ZC3H12B: variants seen among roughly 807,000 people sequenced by gnomAD.
ZC3H12B encodes the protein probable ribonuclease ZC3H12B.
A neutral mutation model predicts 43.9 loss-of-function variants in ZC3H12B; 7 were observed. The observed-to-expected ratio is 0.16, with a 90% CI of 0.09 to 0.30. The LOEUF is 0.30. ZC3H12B is among the 10% of genes least tolerant of loss of function. The pLI, the probability that ZC3H12B is intolerant of heterozygous loss-of-function variation, is 1.00. For missense variants in ZC3H12B, 475 were observed against 670.2 expected, an observed-to-expected ratio of 0.71 and a Z score of 3.22; for synonymous variants, 222 against 241.7, an observed-to-expected ratio of 0.92 and a Z score of 0.76.
the ZC3H12B span, among the ~76,000 whole-genome samples, chrX:65,085,647 T>C: frequency 9.1e-6 from 1 of 109,891 alleles, no homozygotes; most frequent in East Asian, 2.9e-4. Context: ...TTTGAAGCAC[T>C]GGTAATCCCA....
At chrX:65,255,170 C>G in the ZC3H12B span, among the ~76,000 whole-genome samples, 2 of 111,665 alleles carry the variant, frequency 1.8e-5, no homozygotes, top group South Asian at 7.5e-4. Flanking sequence ...ATTTTCCCAA[C>G]TTCACTAAAG....
At chrX:65,164,754 T>G in the ZC3H12B span, among the ~76,000 whole-genome samples, 2 of 111,756 alleles carry the variant, frequency 1.8e-5, no homozygotes, top group African/African-American at 3.2e-5. Flanking sequence ...GTTTTCAGAT[T>G]GTTGGTCTGG....
chrX:65,375,787 A>G (rs2066338625), intron 2 of ZC3H12B, among the ~76,000 whole-genome samples: 1 of 111,778 alleles, frequency 8.9e-6, no homozygotes, highest in Non-Finnish European at 1.9e-5. Flanking sequence ...AATAACCCAC[A>G]GCAATGCCCA....
chrX:65,304,417 C>A, the ZC3H12B span, among the ~76,000 whole-genome samples: 1 of 111,158 alleles, frequency 9.0e-6, no homozygotes, highest in African/African-American at 3.3e-5. Context: ...GAGATCGAGA[C>A]CATTCTGGCT....
chrX:65,329,706 C>T, the ZC3H12B span, among the ~76,000 whole-genome samples: 4 of 111,028 alleles, frequency 3.6e-5, no homozygotes, highest in Non-Finnish European at 5.6e-5. Flanking sequence ...GTCTTTAATC[C>T]ATCTTGAATT....
At chrX:65,260,308 A>T in the ZC3H12B span, among the ~76,000 whole-genome samples, 12 of 111,428 alleles carry the variant, frequency 1.1e-4, no homozygotes, top group East Asian at 2.2e-3. Context: ...CCACCAAAAA[A>T]AAAATAAAAT....
At chrX:65,381,077 T>G (rs766320179) in intron 2 of ZC3H12B, among the ~76,000 whole-genome samples, 99 of 111,134 alleles carry the variant, frequency 8.9e-4, no homozygotes, top group African/African-American at 3.1e-3. Context: ...ACCCAGGAAT[T>G]GAACTCAGCT....
intron 3 of ZC3H12B, among the ~76,000 whole-genome samples, chrX:65,457,094 G>T (rs867551228): frequency 1.1e-5 from 1 of 87,551 alleles, no homozygotes; most frequent in South Asian, 6.7e-4. Context: ...CTGCCCCGCC[G>T]CCCTGTCTGG....
At chrX:65,117,328 T>G in the ZC3H12B span, among the ~76,000 whole-genome samples, 1 of 112,624 alleles carries the variant, frequency 8.9e-6, no homozygotes, top group Non-Finnish European at 1.9e-5. Flanking sequence ...GAACATTTTT[T>G]CATGTCTCTG....
upstream of ZC3H12B, among the ~76,000 whole-genome samples, chrX:65,364,736 A>G: frequency 1.8e-5 from 2 of 111,133 alleles, no homozygotes; most frequent in Admixed American, 1.9e-4. Context: ...TTTCTTTTCC[A>G]TCATGGAAAT....
intron 2 of ZC3H12B, among the ~76,000 whole-genome samples, chrX:65,375,356 C>A (rs1274161821): frequency 2.7e-5 from 3 of 111,714 alleles, no homozygotes; most frequent in Non-Finnish European, 1.9e-5. Context: ...ATTTTAAAGG[C>A]AGTGTAGGAC....
At chrX:65,379,098 AG>A (rs991127988) in intron 2 of ZC3H12B, among the ~76,000 whole-genome samples, 4 of 111,997 alleles carry the variant, frequency 3.6e-5, no homozygotes, top group African/African-American at 1.3e-4. Flanking sequence ...AACTGGGTGG[AG>A]CCTGCCACAG....
the ZC3H12B span, among the ~76,000 whole-genome samples, chrX:65,042,530 G>C: frequency 8.9e-6 from 1 of 112,273 alleles, no homozygotes; most frequent in Non-Finnish European, 1.9e-5. Context: ...TTAACTAAAG[G>C]CTATGGAATA....
chrX:65,369,483 G>A (rs2066216863), intron 2 of ZC3H12B, among the ~76,000 whole-genome samples: 1 of 103,350 alleles, frequency 9.7e-6, no homozygotes, highest in African/African-American at 4.4e-5. Flanking sequence ...TGCTTAGAAA[G>A]ATCTAAATAT....
At chrX:65,374,501 A>T (rs2066317654) in intron 2 of ZC3H12B, among the ~76,000 whole-genome samples, 1 of 108,475 alleles carries the variant, frequency 9.2e-6, no homozygotes, top group South Asian at 3.9e-4. Context: ...ATGGCCAAAT[A>T]GAAGGCTCCA....
rs200948598 is a variant in ZC3H12B at position 65,461,863 on chromosome X, TA to T, written n.408-26774del. Among the ~76,000 whole-genome samples, 612 of 107,639 alleles carry T rather than the reference TA, an allele frequency of 5.7e-3. 3 individuals carry two copies. Among genetic ancestry groups the T allele is most frequent in the African/African-American group, 0.018 (543 of 29,664 alleles). 93.5% of individuals were successfully genotyped at this position (107,639 alleles called of 115,157 possible). A position where few individuals can be genotyped will look rare whatever the true frequency, so the allele number is the denominator to read the frequency against. Reference sequence around the variant, plus strand: ...AAGCATAATAAAAAAAATAAAATAATAAAAAAAAATTTATACTCAAATAATT... The same window carrying T: ...AAGCATAATAAAAAAAATAAAATAATAAAAAAAATTTATACTCAAATAATT... On this transcript the variant is annotated intron_variant and non_coding_transcript_variant, in intron 3 of 5. Transcript: ENST00000617377.
At chrX:65,225,768 G>A in the ZC3H12B span, among the ~76,000 whole-genome samples, 1 of 111,846 alleles carries the variant, frequency 8.9e-6, no homozygotes, top group Non-Finnish European at 1.9e-5. Context: ...TGGAAGAAAG[G>A]GTATCAGTCA....
chrX:65,471,020 T>G (rs2067904851), intron 3 of ZC3H12B, among the ~76,000 whole-genome samples: 1 of 111,980 alleles, frequency 8.9e-6, no homozygotes, highest in Admixed American at 9.5e-5. Flanking sequence ...GGGGGTAGAA[T>G]GTTCTTTAAA....
chrX:65,235,098 T>C, the ZC3H12B span, among the ~76,000 whole-genome samples: 1 of 111,987 alleles, frequency 8.9e-6, no homozygotes, highest in Non-Finnish European at 1.9e-5. Context: ...CTCTTATTGA[T>C]AGCTATTTGG....
Sources: allele counts gnomAD v4.1 joint callset (sites outside exome capture counted in the v4.1 genomes callset), GRCh38; gene constraint gnomAD v4.1.1; transcripts MANE v1.5; gene names NCBI Gene and HGNC (gene_info 2026-07-23, HGNC 2026-07-21).